Variants in HEPH observed in about 807,000 individuals in gnomAD.
HEPH encodes hephaestin.
HEPH carries 69 observed loss-of-function variants against 80.8 expected under a neutral mutation model. The observed-to-expected ratio is 0.85, with a 90% CI of 0.70 to 1.04. HEPH has a LOEUF of 1.04. Among genes scored for constraint, HEPH ranks in the 50% least tolerant of loss-of-function variants. The pLI, the probability that HEPH is intolerant of heterozygous loss-of-function variation, is 0.00. For synonymous variants in HEPH, 431 were observed against 322.8 expected (o/e 1.34, Z -3.60); for missense variants, 1,115 against 891.3 (o/e 1.25, Z -3.20).
intron 1 of HEPH, among the ~76,000 whole-genome samples, chrX:66,167,935 C>A (rs1434698407): frequency 8.9e-6 from 1 of 112,158 alleles, no homozygotes. Context: ...TATACTTGTG[C>A]TTCTTTATGT....
At chrX:66,244,222 C>G (rs1181045408) in intron 15 of HEPH, among the ~76,000 whole-genome samples, 1 of 111,961 alleles carries the variant, frequency 8.9e-6, no homozygotes, top group Non-Finnish European at 1.9e-5. Context: ...GCTGGCTTCT[C>G]AAGTGAGCTA....
At chrX:66,195,322 G>A in intron 9 of HEPH, 93 bp downstream of exon 9, 2 of 742,759 alleles carry the variant, frequency 2.7e-6, no homozygotes, top group Non-Finnish European at 3.6e-6. Context: ...GGATGAAGTA[G>A]GCAGAATTAT....
At chrX:66,238,673 T>G (rs1044462882) in intron 15 of HEPH, among the ~76,000 whole-genome samples, 3 of 111,919 alleles carry the variant, frequency 2.7e-5, no homozygotes, top group Admixed American at 9.5e-5. Flanking sequence ...TAGCTGCATT[T>G]AACATTTTTT....
intron 15 of HEPH, among the ~76,000 whole-genome samples, chrX:66,234,950 T>C (rs1182527110): frequency 9.0e-6 from 1 of 110,672 alleles, no homozygotes; most frequent in East Asian, 2.8e-4. Flanking sequence ...CACCTGGCCA[T>C]TGAGCAGTTT....
intron 4 of HEPH, among the ~76,000 whole-genome samples, chrX:66,180,698 T>C (rs1403731648): frequency 4.8e-5 from 5 of 103,677 alleles, no homozygotes; most frequent in African/African-American, 1.8e-4. Flanking sequence ...GTGAATTTTT[T>C]TTTTTTTTTT....
At chrX:66,208,428 G>A (rs779759269) in intron 15 of HEPH, among the ~76,000 whole-genome samples, 182 bp downstream of exon 15, 2 of 107,525 alleles carry the variant, frequency 1.9e-5, no homozygotes, top group African/African-American at 6.7e-5. Flanking sequence ...AGACTAGCCT[G>A]GCCAACATGG....
chrX:66,249,523 G>A (rs928913733), intron 15 of HEPH, among the ~76,000 whole-genome samples: 18 of 111,489 alleles, frequency 1.6e-4, no homozygotes, highest in Middle Eastern at 4.2e-3. Flanking sequence ...AGGATTGGAA[G>A]CTATTGAACC....
At chrX:66,168,172 A>G (rs769681545) in intron 1 of HEPH, among the ~76,000 whole-genome samples, 2 of 111,982 alleles carry the variant, frequency 1.8e-5, no homozygotes, top group South Asian at 7.6e-4. Flanking sequence ...CCTGCAGAGG[A>G]CAGTGATATG....
chrX:66,259,876 T>C (rs1457617104), intron 18 of HEPH, among the ~76,000 whole-genome samples: 3 of 108,397 alleles, frequency 2.8e-5, no homozygotes, highest in Non-Finnish European at 5.7e-5. Context: ...GCCCGGCAAT[T>C]TTTTTTATTT....
At chrX:66,253,186 A>G (rs935770114) in intron 15 of HEPH, among the ~76,000 whole-genome samples, 1 of 112,357 alleles carries the variant, frequency 8.9e-6, no homozygotes, top group Non-Finnish European at 1.9e-5. Context: ...ACAATCATAT[A>G]TCTGATAAGG....
intron 14 of HEPH, 108 bp from the exon 15 acceptor site, chrX:66,208,007 G>T: frequency 1.8e-6 from 1 of 550,297 alleles, no homozygotes; most frequent in Non-Finnish European, 2.8e-6. Context: ...TTTTGTCAGG[G>T]TAAACCACTA....
At chrX:66,260,983 G>C (rs1017458516) in intron 19 of HEPH, among the ~76,000 whole-genome samples, 1 of 111,570 alleles carries the variant, frequency 9.0e-6, no homozygotes, top group Non-Finnish European at 1.9e-5. Context: ...GCACAGGCTG[G>C]TTCTAAACTC....
intron 16 of HEPH, among the ~76,000 whole-genome samples, chrX:66,255,412 A>C (rs1450076183): frequency 1.9e-5 from 2 of 107,120 alleles, no homozygotes; most frequent in East Asian, 5.7e-4. Context: ...CAAACACACA[A>C]ACAAACAAAA....
chrX:66,236,851 G>A (rs1418994824), intron 15 of HEPH, among the ~76,000 whole-genome samples: 2 of 110,802 alleles, frequency 1.8e-5, no homozygotes, highest in South Asian at 3.8e-4. Flanking sequence ...GTCTTGGGAG[G>A]GCGTATATGT....
At chrX:66,206,563 T>C (rs1308088115) in intron 13 of HEPH, among the ~76,000 whole-genome samples, 2 of 106,254 alleles carry the variant, frequency 1.9e-5, no homozygotes, top group African/African-American at 6.8e-5. Flanking sequence ...GATAGGGTTT[T>C]GCCATGTTGG....
chrX:66,200,111 C>A (rs779013019), intron 11 of HEPH, among the ~76,000 whole-genome samples: 16 of 109,871 alleles, frequency 1.5e-4, no homozygotes, highest in African/African-American at 5.0e-4. Context: ...ATCCCCAACA[C>A]GTATGGGGGC....
rs760797239 is a variant in HEPH, at chrX:66,263,539, A to G, written c.3200-105A>G. The G allele has an allele frequency of 8.1e-5, 70 of 863,098 alleles. No individual in the cohort carries two copies. The Middle Eastern group carries it at 1.4e-3, about 17-fold the overall frequency. 71.1% of individuals were successfully genotyped at this position (863,098 alleles called of 1,213,427 possible). ...ATTCTGCCTTTATTTTGCTTACTTAATCACAGAGAAATTTCTGCAACCAAT... is the reference window on the plus strand; with the variant it reads ...ATTCTGCCTTTATTTTGCTTACTTAGTCACAGAGAAATTTCTGCAACCAAT... On this transcript the variant is annotated intron_variant, in intron 19 of 20. Coordinates refer to ENST00000343002, the MANE Select transcript of HEPH (RefSeq NM_001367233.3).
chrX:66,225,530 C>T (rs921660360), intron 15 of HEPH, among the ~76,000 whole-genome samples: 1 of 112,703 alleles, frequency 8.9e-6, no homozygotes, highest in Non-Finnish European at 1.9e-5. Context: ...TCAGGCCACG[C>T]TTCCACTCAA....
chrX:66,180,692 ATTTT>A (rs150507047), intron 4 of HEPH, among the ~76,000 whole-genome samples: 2 of 53,449 alleles, frequency 3.7e-5, no homozygotes, highest in African/African-American at 1.5e-4. Flanking sequence ...AGCTGTGTGA[ATTTT>A]TTTTTTTTTT....
Sources: allele counts gnomAD v4.1 joint callset (sites outside exome capture counted in the v4.1 genomes callset), GRCh38; gene constraint gnomAD v4.1.1; transcripts MANE v1.5; gene names NCBI Gene and HGNC (gene_info 2026-07-23, HGNC 2026-07-21).